FHIT: variants seen among roughly 807,000 people sequenced by gnomAD.
FHIT encodes the protein fragile histidine triad diadenosine triphosphatase.
In FHIT, 19 loss-of-function variants were observed where a neutral mutation model predicts 17.9. The observed-to-expected ratio is 1.06, with a 90% confidence interval of 0.74 to 1.56. FHIT has a LOEUF of 1.56. Among genes scored for constraint, FHIT ranks in the 40% most tolerant of loss-of-function variants. The pLI, the probability that FHIT is intolerant of heterozygous loss-of-function variation, is 0.00. For synonymous variants in FHIT, 81 were observed against 69.7 expected, an observed-to-expected ratio of 1.16 and a Z score of -0.81; for missense variants, 248 against 189.2, an observed-to-expected ratio of 1.31 and a Z score of -1.82.
intron 3 of FHIT, among the ~76,000 whole-genome samples, chr3:60,897,620 A>G (rs1336363350): frequency 1.3e-5 from 2 of 152,174 alleles, no homozygotes; most frequent in African/African-American, 4.8e-5. Context: ...ATACATGGGA[A>G]TGTATGTAAG....
chr3:61,217,245 T>G (rs915603303), intron 1 of FHIT, among the ~76,000 whole-genome samples: 1 of 152,250 alleles, frequency 6.6e-6, no homozygotes, highest in Non-Finnish European at 1.5e-5. Flanking sequence ...ATGGCTTTTC[T>G]GTATGCTACA....
intron 3 of FHIT, among the ~76,000 whole-genome samples, chr3:60,887,662 A>C (rs1553759604): frequency 6.6e-6 from 1 of 152,146 alleles, no homozygotes; most frequent in Non-Finnish European, 1.5e-5. Flanking sequence ...AAAAAACAAA[A>C]AAAAAGAGTA....
rs1015131943 is a variant in FHIT at position 59,949,994 on chromosome 3, C to T, written c.280-27580G>A. The stretch of plus-strand genomic sequence containing the variant: ...ATTAAATCTCTAATGAGGACCAGGC[C>T]TCAGGAGGAACTGCAGAAGGAATAG... On this transcript the variant is annotated intron_variant, in intron 7 of 9. Transcript: ENST00000492590. 3.9e-5 allele frequency among the ~76,000 whole-genome samples: 6 copies of T among 152,268 alleles called. 1 individual carries two copies. In the South Asian group the frequency reaches 1.0e-3, roughly 26 times the overall value.
At position 59,979,768 on chromosome 3, in the gene FHIT, C is replaced by T. The variant is rs188693764; in HGVS notation, c.279+31603G>A. 4.6e-5 allele frequency among the ~76,000 whole-genome samples: 7 copies of T among 152,068 alleles called. No homozygotes were observed. The East Asian group carries it at 7.7e-4, about 17-fold the overall frequency. Reference sequence around the variant, plus strand: ...CACCCTGCCCATAAATGAGTAAGCCCGTGTGACAAGAGTACATGTTTTCGA... The same window carrying T: ...CACCCTGCCCATAAATGAGTAAGCCTGTGTGACAAGAGTACATGTTTTCGA... On this transcript the variant is annotated intron_variant, in intron 7 of 9. Coordinates refer to ENST00000492590, the MANE Select transcript of FHIT (RefSeq NM_002012.4).
intron 4 of FHIT, among the ~76,000 whole-genome samples, chr3:60,669,668 T>C (rs1292723219): frequency 3.9e-5 from 6 of 152,056 alleles, no homozygotes; most frequent in Non-Finnish European, 8.8e-5. Context: ...CAGAACAACA[T>C]TGCTGGGAAT....
chr3:60,577,368 C>T (rs1296253183), intron 4 of FHIT, among the ~76,000 whole-genome samples: 2 of 152,128 alleles, frequency 1.3e-5, no homozygotes, highest in Admixed American at 6.5e-5. Flanking sequence ...CCCATGCTCT[C>T]TTTTGGGTCA....
At chr3:60,435,237 G>C (rs2030104953) in intron 5 of FHIT, among the ~76,000 whole-genome samples, 1 of 152,100 alleles carries the variant, frequency 6.6e-6, no homozygotes, top group South Asian at 2.1e-4. Flanking sequence ...GTCCTTTACA[G>C]ACATTTGTAA....
At chr3:60,082,785 T>C (rs1395512755) in intron 5 of FHIT, among the ~76,000 whole-genome samples, 1 of 152,170 alleles carries the variant, frequency 6.6e-6, no homozygotes, top group Non-Finnish European at 1.5e-5. Flanking sequence ...TTGAGAAGTG[T>C]CTGTTCATGT....
intron 2 of FHIT, among the ~76,000 whole-genome samples, chr3:61,050,349 A>T (rs567960952): frequency 1.6e-4 from 25 of 152,204 alleles, no homozygotes; most frequent in Non-Finnish European, 2.4e-4. Flanking sequence ...GGATAAGAGG[A>T]CTAATTAAAA....
At chr3:60,461,686 T>G (rs1452527454) in intron 5 of FHIT, among the ~76,000 whole-genome samples, 1 of 152,182 alleles carries the variant, frequency 6.6e-6, no homozygotes, top group Non-Finnish European at 1.5e-5. Context: ...CCATGCTTGC[T>G]TATTAAGCAT....
intron 5 of FHIT, among the ~76,000 whole-genome samples, chr3:60,392,409 A>T (rs985112933): frequency 5.3e-5 from 8 of 152,234 alleles, no homozygotes; most frequent in African/African-American, 1.9e-4. Context: ...CATGTCGAAT[A>T]TGAAGCCTAC....
chr3:60,273,484 C>T (rs552461156), intron 5 of FHIT, among the ~76,000 whole-genome samples: 1 of 152,126 alleles, frequency 6.6e-6, no homozygotes, highest in East Asian at 1.9e-4. Flanking sequence ...GTGGCGGGTG[C>T]CTGTCCTCCC....
intron 4 of FHIT, among the ~76,000 whole-genome samples, chr3:60,558,707 T>C (rs888669175): frequency 6.6e-6 from 1 of 152,196 alleles, no homozygotes; most frequent in Non-Finnish European, 1.5e-5. Flanking sequence ...TGTTGTGGCA[T>C]CTTCCTCCTG....
rs570255230 is a variant in FHIT, at chr3:60,931,489, C to T, written c.-110-109478G>A. Among the ~76,000 whole-genome samples the T allele has an allele frequency of 6.6e-5, 10 of 152,276 alleles. No homozygotes were observed. The South Asian group carries it at 1.2e-3, about 19-fold the overall frequency. The stretch of plus-strand genomic sequence containing the variant: ...CTTAAGAATTAGAGAGATGACATTT[C>T]GGAGGCCCCTAATTCCAAATGCTGC... On this transcript the variant is annotated intron_variant, in intron 3 of 9. Transcript: ENST00000492590.
intron 2 of FHIT, among the ~76,000 whole-genome samples, chr3:61,073,758 C>A (rs771868391): frequency 1.3e-5 from 2 of 152,076 alleles, no homozygotes; most frequent in Non-Finnish European, 2.9e-5. Flanking sequence ...TGTCATCTTG[C>A]GGCATTTCCA....
intron 5 of FHIT, among the ~76,000 whole-genome samples, chr3:60,369,704 T>G (rs1319182762): frequency 1.3e-5 from 2 of 152,174 alleles, no homozygotes; most frequent in East Asian, 1.9e-4. Flanking sequence ...TCTAGGCTGT[T>G]AAGCAAGACC....
intron 4 of FHIT, among the ~76,000 whole-genome samples, chr3:60,705,706 A>G (rs1306566724): frequency 2.0e-5 from 3 of 152,196 alleles, no homozygotes; most frequent in African/African-American, 7.2e-5. Flanking sequence ...ATACACATAT[A>G]CACAAAAGCT....
At chr3:60,516,407 G>C (rs956430245) in intron 5 of FHIT, among the ~76,000 whole-genome samples, 1 of 152,186 alleles carries the variant, frequency 6.6e-6, no homozygotes, top group South Asian at 2.1e-4. Context: ...CTAAAGCATA[G>C]GAAGAAGTTG....
At chr3:59,980,774 T>C (rs1708618990) in intron 7 of FHIT, among the ~76,000 whole-genome samples, 2 of 152,168 alleles carry the variant, frequency 1.3e-5, no homozygotes, top group Non-Finnish European at 1.5e-5. Context: ...AAGCTGCCAG[T>C]GTCTTGATCT....
Sources: allele counts gnomAD v4.1 joint callset (sites outside exome capture counted in the v4.1 genomes callset), GRCh38; gene constraint gnomAD v4.1.1; transcripts MANE v1.5; gene names NCBI Gene and HGNC (gene_info 2026-07-23, HGNC 2026-07-21).